GRIN2A: variants seen among roughly 807,000 people sequenced by gnomAD.
GRIN2A encodes the protein glutamate receptor ionotropic, NMDA 2A.
Under a neutral mutation model 113.4 loss-of-function variants are expected in GRIN2A, and 22 were observed. The ratio of observed to expected loss-of-function variants is 0.19; its 90% CI spans 0.14 to 0.28. GRIN2A has a LOEUF of 0.28. Among genes scored for constraint, GRIN2A ranks in the 10% least tolerant of loss-of-function variants. The pLI is 1.00. For synonymous variants in GRIN2A, 827 were observed against 738.4 expected (o/e 1.12, Z -1.94); for missense variants, 1,502 against 1,887.0 (o/e 0.80, Z 3.78).
chr16:10,120,227 C>T (rs1264371491), intron 2 of GRIN2A, among the ~76,000 whole-genome samples: 1 of 152,130 alleles, frequency 6.6e-6, no homozygotes, highest in African/African-American at 2.4e-5. Context: ...AAATGTTTGT[C>T]TATGGCTGGA....
At chr16:9,959,087 CTACCCCAGAA>C (rs2045372539) in intron 2 of GRIN2A, among the ~76,000 whole-genome samples, 4 of 152,158 alleles carry the variant, frequency 2.6e-5, no homozygotes, top group African/African-American at 9.7e-5. Flanking sequence ...CTGAGCCATG[CTACCCCAGAA>C]TACCCCAGAA....
At chr16:10,095,215 T>G (rs916991232) in intron 2 of GRIN2A, among the ~76,000 whole-genome samples, 26 of 152,138 alleles carry the variant, frequency 1.7e-4, no homozygotes, top group Admixed American at 1.7e-3. Context: ...TCCCTGATCT[T>G]GGACTTCCAG....
chr16:10,084,807 G>A (rs2048055086), intron 2 of GRIN2A, among the ~76,000 whole-genome samples: 1 of 147,430 alleles, frequency 6.8e-6, no homozygotes. Flanking sequence ...GCTCCGTAAG[G>A]GTAAAAGGAT....
At chr16:9,769,899 C>A (rs763682100) in intron 11 of GRIN2A, among the ~76,000 whole-genome samples, 2 of 152,140 alleles carry the variant, frequency 1.3e-5, no homozygotes, top group Non-Finnish European at 2.9e-5. Context: ...CACACATGAG[C>A]AGCATACTTA....
At chr16:10,147,674 A>G (rs921739606) in intron 2 of GRIN2A, among the ~76,000 whole-genome samples, 2 of 151,620 alleles carry the variant, frequency 1.3e-5, no homozygotes, top group Non-Finnish European at 2.9e-5. Context: ...AGAAGTGTAT[A>G]CAGGGTCCAA....
At chr16:10,053,500 AC>A (rs1378601961) in intron 2 of GRIN2A, among the ~76,000 whole-genome samples, 1 of 152,090 alleles carries the variant, frequency 6.6e-6, no homozygotes, top group Admixed American at 6.5e-5. Flanking sequence ...TCCACTACAC[AC>A]CGTCTCTCTT....
At chr16:9,844,498 C>T (rs1206250954) in intron 5 of GRIN2A, among the ~76,000 whole-genome samples, 2 of 152,220 alleles carry the variant, frequency 1.3e-5, no homozygotes, top group East Asian at 3.9e-4. Flanking sequence ...GACTTAACTA[C>T]ACAGACTGAG....
chr16:9,777,838 C>T (rs1432068495), intron 11 of GRIN2A, among the ~76,000 whole-genome samples: 1 of 152,190 alleles, frequency 6.6e-6, no homozygotes, highest in Non-Finnish European at 1.5e-5. Flanking sequence ...CCGAGGCACG[C>T]AGATCACCTG....
rs182084775 is a variant in GRIN2A, at chr16:9,762,057, C to T, written c.*1092G>A. 4 of 202,340 alleles carry T rather than the reference C, an allele frequency of 2.0e-5. No homozygotes were observed. Among genetic ancestry groups the T allele is most frequent in the East Asian group, 1.5e-4 (2 of 13,184 alleles). 12.5% of individuals were successfully genotyped at this position (202,340 alleles called of 1,614,324 possible). A position where few individuals can be genotyped will look rare whatever the true frequency, so the allele number is the denominator to read the frequency against. On this transcript the variant is annotated 3_prime_UTR_variant, in exon 13 of 13. Transcript: ENST00000330684. ...ATAAACCTAAAACCATGCTAGCCTT[C>T]GGCAGACAGATGGCATTGTACTTCT...
intron 10 of GRIN2A, among the ~76,000 whole-genome samples, chr16:9,806,099 G>A (rs770833152): frequency 3.3e-5 from 5 of 152,308 alleles, no homozygotes; most frequent in Admixed American, 2.6e-4. Flanking sequence ...TTCCTCGATC[G>A]ATGTCTTGCA....
chr16:10,173,546 T>C (rs367666771), intron 2 of GRIN2A, among the ~76,000 whole-genome samples: 5 of 152,174 alleles, frequency 3.3e-5, no homozygotes, highest in Admixed American at 1.3e-4. Flanking sequence ...CTGAACCATA[T>C]TGTGATATGT....
intron 2 of GRIN2A, among the ~76,000 whole-genome samples, chr16:10,018,199 G>A (rs1258330058): frequency 6.6e-6 from 1 of 152,222 alleles, no homozygotes; most frequent in East Asian, 1.9e-4. Flanking sequence ...TCGTTTAGGA[G>A]GCAAAGCAGA....
chr16:9,886,818 G>T (rs548443656), intron 4 of GRIN2A, among the ~76,000 whole-genome samples: 2 of 152,244 alleles, frequency 1.3e-5, no homozygotes, highest in South Asian at 4.1e-4. Context: ...CATGTCAGGG[G>T]GTTAAATATG....
intron 2 of GRIN2A, chr16:10,112,494 T>C (rs1359254771): frequency 8.0e-6 from 7 of 880,038 alleles, no homozygotes; most frequent in South Asian, 6.6e-5. Flanking sequence ...GTGGGGCACG[T>C]GGTCAAGGCC....
chr16:9,944,498 C>A (rs1438052131), intron 2 of GRIN2A, among the ~76,000 whole-genome samples: 1 of 152,116 alleles, frequency 6.6e-6, no homozygotes, highest in Admixed American at 6.5e-5. Flanking sequence ...ATCATCATGA[C>A]CATCATCATA....
At chr16:9,951,319 T>C (rs948793355) in intron 2 of GRIN2A, among the ~76,000 whole-genome samples, 5 of 152,222 alleles carry the variant, frequency 3.3e-5, no homozygotes, top group African/African-American at 9.6e-5. Flanking sequence ...CTTTAACTTA[T>C]GTAAATAAGC....
At chr16:9,962,577 C>T (rs997633431) in intron 2 of GRIN2A, among the ~76,000 whole-genome samples, 3 of 152,110 alleles carry the variant, frequency 2.0e-5, no homozygotes, top group Non-Finnish European at 1.5e-5. Flanking sequence ...CATCTCACAC[C>T]AGTTAGAATG....
chr16:9,897,013 C>G (rs981970370), intron 3 of GRIN2A, among the ~76,000 whole-genome samples: 4 of 152,168 alleles, frequency 2.6e-5, no homozygotes. Context: ...CTGACTGCTT[C>G]TAAGCCTCAA....
intron 3 of GRIN2A, among the ~76,000 whole-genome samples, chr16:9,897,750 G>C (rs1191913127): frequency 6.6e-6 from 1 of 152,058 alleles, no homozygotes; most frequent in African/African-American, 2.4e-5. Flanking sequence ...CATGTGACTT[G>C]CATTATATTT....
Sources: gnomAD v4.1 joint callset for allele counts (sites outside exome capture counted in the v4.1 genomes callset) on GRCh38, gnomAD v4.1.1 for gene constraint, MANE v1.5 for transcripts, NCBI Gene and HGNC (gene_info 2026-07-23, HGNC 2026-07-21) for gene names.